The following KRABD1 variants were observed in gnomAD, a reference collection of about 807,000 sequenced individuals.
KRABD1 encodes KRAB domain-containing protein 1.
chr3:42,936,622 C>G, the KRABD1 span: 7 of 152,440 alleles, frequency 4.6e-5, 1 homozygote, highest in African/African-American at 1.7e-4. Context: ...CCCTCGTTTC[C>G]CTGTACCCAG....
the KRABD1 span, chr3:42,938,300 A>G: frequency 6.6e-6 from 1 of 152,242 alleles, no homozygotes; most frequent in Non-Finnish European, 1.5e-5. Flanking sequence ...AAATAGTAGT[A>G]GGGAGGCATC....
chr3:42,938,061 C>T, the KRABD1 span: 1 of 152,178 alleles, frequency 6.6e-6, no homozygotes, highest in Non-Finnish European at 1.5e-5. Flanking sequence ...TCTTGAAAGG[C>T]AAAAGACTTA....
chr3:42,940,956 CT>C, the KRABD1 span, among the ~76,000 whole-genome samples: 1 of 152,366 alleles, frequency 6.6e-6, no homozygotes, highest in East Asian at 1.9e-4. Flanking sequence ...TATGCAGCAG[CT>C]TCAGCGTCTG....
At chr3:42,938,678 C>T in the KRABD1 span, 1 of 424,546 alleles carries the variant, frequency 2.4e-6, no homozygotes, top group Non-Finnish European at 4.3e-6. Context: ...GATTCTACCT[C>T]CTTTTTGCAT....
At chr3:42,937,442 T>G in the KRABD1 span, 3 of 152,250 alleles carry the variant, frequency 2.0e-5, no homozygotes, top group African/African-American at 7.2e-5. Flanking sequence ...GCTTAAGTCC[T>G]TTTGTTTGAT....
chr3:42,939,209 T>TA, the KRABD1 span, among the ~76,000 whole-genome samples: 24 of 152,304 alleles, frequency 1.6e-4, no homozygotes, highest in African/African-American at 5.5e-4. Context: ...GGCCCCTTCA[T>TA]ACTGCCTCCC....
the KRABD1 span, among the ~76,000 whole-genome samples, chr3:42,942,364 C>T: frequency 2.6e-5 from 4 of 152,066 alleles, no homozygotes; most frequent in Admixed American, 2.6e-4. Context: ...CCAGTTTCTC[C>T]AGTTTTACAA....
the KRABD1 span, chr3:42,937,361 C>G: frequency 5.3e-5 from 8 of 152,330 alleles, no homozygotes; most frequent in Admixed American, 2.0e-4. Flanking sequence ...TGTAGGGTGA[C>G]CTCTGTTGTA....
At chr3:42,937,959 G>T in the KRABD1 span, 2 of 152,198 alleles carry the variant, frequency 1.3e-5, no homozygotes, top group Non-Finnish European at 2.9e-5. Context: ...TTATGTGTTT[G>T]TTTATATGCT....
the KRABD1 span, chr3:42,938,763 C>A: frequency 1.9e-6 from 1 of 517,418 alleles, no homozygotes; most frequent in Non-Finnish European, 3.5e-6. Context: ...ATTGATATAG[C>A]CTTCAAAACA....
At chr3:42,942,101 C>G in the KRABD1 span, 3 of 1,410,680 alleles carry the variant, frequency 2.1e-6, no homozygotes, top group Non-Finnish European at 1.9e-6. Context: ...TCTTCTCCAG[C>G]TTTGTCTCTT....
chr3:42,940,883 A>G, the KRABD1 span, among the ~76,000 whole-genome samples: 2 of 152,234 alleles, frequency 1.3e-5, no homozygotes, highest in East Asian at 1.9e-4. Context: ...GCTGACAGCT[A>G]TGTTCGGGGG....
chr3:42,941,490 C>T, the KRABD1 span: 3 of 902,728 alleles, frequency 3.3e-6, no homozygotes, highest in Non-Finnish European at 4.8e-6. Flanking sequence ...TTGCGAAAGG[C>T]TTTCCTTCTT....
At chr3:42,941,401 G>C in the KRABD1 span, 4 of 1,508,670 alleles carry the variant, frequency 2.7e-6, no homozygotes, top group Non-Finnish European at 2.7e-6. Flanking sequence ...AGGTTGAAGG[G>C]CTCTTTTATA....
At chr3:42,941,177 C>G in the KRABD1 span, 1 of 1,520,108 alleles carries the variant, frequency 6.6e-7, no homozygotes, top group Admixed American at 2.0e-5. Flanking sequence ...GCAGATTTGA[C>G]CATCACCAAA....
chr3:42,939,272 A>G, the KRABD1 span, among the ~76,000 whole-genome samples: 7 of 152,172 alleles, frequency 4.6e-5, no homozygotes, highest in Non-Finnish European at 1.0e-4. Context: ...CTCTGTTACC[A>G]TAGGAAAGTT....
the KRABD1 span, chr3:42,936,581 G>A: frequency 6.6e-6 from 1 of 152,344 alleles, no homozygotes; most frequent in Non-Finnish European, 1.5e-5. Context: ...CGCTGGCAGA[G>A]GCCTGGAACG....
At chr3:42,936,667 C>T in the KRABD1 span, 1 of 152,318 alleles carries the variant, frequency 6.6e-6, no homozygotes, top group African/African-American at 2.4e-5. Context: ...CGGATACTGA[C>T]ACACATTCGC....
chr3:42,940,583 A>T, the KRABD1 span, among the ~76,000 whole-genome samples: 3 of 152,296 alleles, frequency 2.0e-5, no homozygotes, highest in Non-Finnish European at 4.4e-5. Flanking sequence ...CTTGAAATAG[A>T]CACCTTTTTA....
Sources: allele counts gnomAD v4.1 joint callset (sites outside exome capture counted in the v4.1 genomes callset), GRCh38; gene constraint gnomAD v4.1.1; transcripts MANE v1.5; gene names NCBI Gene and HGNC (gene_info 2026-07-23, HGNC 2026-07-21).